DDHD1: variants seen among roughly 807,000 people sequenced by gnomAD.
DDHD1 encodes the protein DDHD domain containing 1, also known as phospholipase DDHD1.
In DDHD1, 49 loss-of-function variants were observed where a neutral mutation model predicts 96.4. The observed-to-expected ratio is 0.51, with a 90% CI of 0.40 to 0.64. The LOEUF (loss-of-function observed/expected upper bound fraction) is 0.64. Among genes scored for constraint, DDHD1 ranks in the 30% least tolerant of loss-of-function variants. DDHD1 has a pLI of 0.00. For synonymous variants in DDHD1, 442 were observed against 446.5 expected, an observed-to-expected ratio of 0.99 and a Z score of 0.13; for missense variants, 1,106 against 1,161.2, an observed-to-expected ratio of 0.95 and a Z score of 0.69.
At chr14:53,081,407 A>G (rs1885458661) in intron 4 of DDHD1, among the ~76,000 whole-genome samples, 1 of 152,186 alleles carries the variant, frequency 6.6e-6, no homozygotes, top group Non-Finnish European at 1.5e-5. Context: ...TCATTGTGGC[A>G]TAGTAATTAG....
Position 53,152,189 on chromosome 14 carries a change from C to G in DDHD1, c.838+72G>C, listed in dbSNP as rs552238442. The stretch of plus-strand genomic sequence containing the variant: ...CCTCCCTCTTCGCGGCGACCAGTCC[C>G]AAACCCACACCGGTGCGCATCGGCC... On this transcript the variant is annotated intron_variant, in intron 1 of 12. Coordinates refer to ENST00000673822, the MANE Select transcript of DDHD1 (RefSeq NM_001160148.2). 44 of 1,457,916 alleles carry G rather than the reference C, an allele frequency of 3.0e-5. No homozygotes were observed. In the East Asian group the frequency reaches 9.4e-4, roughly 31 times the overall value. 90.3% of individuals were successfully genotyped at this position (1,457,916 alleles called of 1,614,324 possible). A position where few individuals can be genotyped will look rare whatever the true frequency, so the allele number is the denominator to read the frequency against.
At chr14:53,090,802 C>T (rs978728648) in intron 4 of DDHD1, among the ~76,000 whole-genome samples, 8 of 151,738 alleles carry the variant, frequency 5.3e-5, no homozygotes, top group Non-Finnish European at 7.4e-5. Context: ...AGCAAACCAA[C>T]GTGGCACATG....
At chr14:53,093,698 T>A (rs900168425) in intron 2 of DDHD1, 2 of 401,562 alleles carry the variant, frequency 5.0e-6, no homozygotes, top group Non-Finnish European at 8.9e-6. Context: ...TTAACTATCA[T>A]AATTTTAACC....
chr14:53,118,136 C>T (rs1888692408), intron 1 of DDHD1, among the ~76,000 whole-genome samples: 1 of 152,134 alleles, frequency 6.6e-6, no homozygotes, highest in Admixed American at 6.5e-5. Context: ...AAAGGACATC[C>T]ACACCAAAAC....
At position 53,110,827 on chromosome 14, in the gene DDHD1, T is replaced by C. The variant is rs560602239; in HGVS notation, c.839-6971A>G. 1.5e-4 allele frequency among the ~76,000 whole-genome samples: 23 copies of C among 152,114 alleles called. No homozygotes were observed. The East Asian group carries it at 3.9e-3, about 26-fold the overall frequency. ...CCTGTCTCTACTAAAAATATAAAATTAGCTGGGCTTGGTGGTAACACGCCT... is the reference window on the plus strand; with the variant it reads ...CCTGTCTCTACTAAAAATATAAAATCAGCTGGGCTTGGTGGTAACACGCCT... On this transcript the variant is annotated intron_variant, in intron 1 of 12. Coordinates refer to ENST00000673822, the MANE Select transcript of DDHD1 (RefSeq NM_001160148.2).
intron 1 of DDHD1, among the ~76,000 whole-genome samples, chr14:53,136,511 G>A (rs1211270904): frequency 1.3e-5 from 2 of 152,172 alleles, no homozygotes; most frequent in Non-Finnish European, 2.9e-5. Context: ...AAGATCTCTA[G>A]AAGAGTTCCC....
At chr14:53,072,121 A>G (rs146194186) in intron 6 of DDHD1, among the ~76,000 whole-genome samples, 2,837 of 152,230 alleles carry the variant, frequency 0.019, 58 homozygotes, top group Non-Finnish European at 0.026. Flanking sequence ...TTATCAATAA[A>G]GTGACAGAAT....
At chr14:53,096,165 A>T in intron 2 of DDHD1, 1 of 985,264 alleles carries the variant, frequency 1.0e-6, no homozygotes, top group African/African-American at 1.7e-5. Context: ...CTCTCCTTAT[A>T]TCTTCTCCAT....
At chr14:53,051,002 T>C (rs980548108) in intron 12 of DDHD1, among the ~76,000 whole-genome samples, 2 of 150,862 alleles carry the variant, frequency 1.3e-5, no homozygotes, top group Non-Finnish European at 3.0e-5. Context: ...TAAGATAATT[T>C]CTTAAGGGGA....
intron 1 of DDHD1, among the ~76,000 whole-genome samples, chr14:53,148,317 T>C (rs1891132070): frequency 7.6e-6 from 1 of 132,310 alleles, no homozygotes; most frequent in African/African-American, 3.2e-5. Context: ...TGAATTATTC[T>C]TTTTTTTTTT....
intron 10 of DDHD1, among the ~76,000 whole-genome samples, chr14:53,055,219 T>C (rs1373699987): frequency 1.3e-5 from 2 of 152,192 alleles, no homozygotes; most frequent in Non-Finnish European, 2.9e-5. Context: ...AAAGAAAAAT[T>C]AAACATCCTT....
At chr14:53,047,490 G>T (rs1439178689) in intron 12 of DDHD1, among the ~76,000 whole-genome samples, 1 of 152,134 alleles carries the variant, frequency 6.6e-6, no homozygotes, top group Non-Finnish European at 1.5e-5. Flanking sequence ...ATGTCTCACA[G>T]GCAACCCCCA....
At chr14:53,123,465 C>T (rs928802149) in intron 1 of DDHD1, among the ~76,000 whole-genome samples, 2 of 152,056 alleles carry the variant, frequency 1.3e-5, no homozygotes, top group African/African-American at 4.8e-5. Context: ...GTAATTATTA[C>T]AGCAATGTTT....
rs1884618029 is a variant in DDHD1, at chr14:53,072,699, A to G, written c.1401T>C (p.Thr467=). 1.2e-6 allele frequency: 2 copies of G among 1,602,532 alleles called. No homozygotes were observed. Among genetic ancestry groups the G allele is most frequent in the South Asian group, 2.2e-5 (2 of 89,734 alleles). ...CTTTGTCAGGAGTAATGGAATCAAC[A>G]GTGTCTACAAAAACAAACAAAAAAA... ...WRSKLTLDGD[T]VDSITPDKVR... is the part of the protein sequence containing the mutation. Residue 467 remains threonine, a synonymous_variant, in exon 6 of 13, where the codon ACT becomes ACC. Coordinates refer to ENST00000673822, the MANE Select transcript of DDHD1 (RefSeq NM_001160148.2).
Position 53,153,103 on chromosome 14 carries a change from T to A in DDHD1, c.-5A>T. The A allele has an allele frequency of 7.2e-7, 1 of 1,393,836 alleles. No homozygotes were observed. The highest frequency in any genetic ancestry group is 3.0e-5 in the East Asian group (1 of 33,288). 86.3% of individuals were successfully genotyped at this position (1,393,836 alleles called of 1,614,324 possible). ...CCCGCGGCCCGGGTAATTCATGCTG[T>A]GGAGACGCCGCCGGCTGTCCGGCGG... On this transcript the variant is annotated 5_prime_UTR_variant, in exon 1 of 13. Transcript: ENST00000673822.
intron 2 of DDHD1, among the ~76,000 whole-genome samples, chr14:53,096,537 A>G (rs1306486358): frequency 6.6e-6 from 1 of 151,962 alleles, no homozygotes; most frequent in East Asian, 1.9e-4. Flanking sequence ...AGATTTATAA[A>G]CTCCATCTTT....
rs1057124323 is a variant in DDHD1, at chr14:53,080,779, G to T, written c.1290-6932C>A. On this transcript the variant is annotated intron_variant, in intron 4 of 12. Transcript: ENST00000673822. ...TATGTTGCCCCAGCTGAAGTGCAGT[G>T]GCTATTCATAGGTGTGGTTATAGGG... Among the ~76,000 whole-genome samples, 10 of 140,758 alleles carry T rather than the reference G, an allele frequency of 7.1e-5. No individual in the cohort carries two copies. The Middle Eastern group carries it at 0.011, about 159-fold the overall frequency. 92.3% of individuals were successfully genotyped at this position (140,758 alleles called of 152,430 possible). A position where few individuals can be genotyped will look rare whatever the true frequency, so the allele number is the denominator to read the frequency against.
intron 1 of DDHD1, among the ~76,000 whole-genome samples, chr14:53,118,831 G>A (rs748565579): frequency 2.0e-5 from 3 of 152,072 alleles, no homozygotes; most frequent in Admixed American, 6.5e-5. Context: ...GATCCTCTTC[G>A]AGAAGAGCAA....
chr14:53,090,078 C>T (rs986956174), intron 4 of DDHD1, among the ~76,000 whole-genome samples: 2 of 152,186 alleles, frequency 1.3e-5, no homozygotes, highest in Non-Finnish European at 2.9e-5. Flanking sequence ...TGAAGAGACA[C>T]TTCTCAAAAG....
Sources: gnomAD v4.1 joint callset for allele counts (sites outside exome capture counted in the v4.1 genomes callset) on GRCh38, gnomAD v4.1.1 for gene constraint, MANE v1.5 for transcripts, NCBI Gene and HGNC (gene_info 2026-07-23, HGNC 2026-07-21) for gene names.